EPS15L1: variants seen among roughly 807,000 people sequenced by gnomAD.
EPS15L1 encodes epidermal growth factor receptor pathway substrate 15 like 1.
EPS15L1 carries 43 observed loss-of-function variants against 117.1 expected under a neutral mutation model. The ratio of observed to expected loss-of-function variants is 0.37; its 90% CI spans 0.29 to 0.47. The LOEUF is 0.47. Ranked by LOEUF, EPS15L1 falls within the 20% of genes least tolerant of loss-of-function variation. The pLI is 0.99. For missense variants in EPS15L1, 981 were observed against 1,164.0 expected (o/e 0.84, Z 2.29); for synonymous variants, 459 against 470.5 (o/e 0.98, Z 0.32).
At chr19:16,368,916 G>A (rs146157602) in intron 22 of EPS15L1, among the ~76,000 whole-genome samples, 164 of 152,360 alleles carry the variant, frequency 1.1e-3, no homozygotes, top group South Asian at 3.9e-3. Flanking sequence ...GCAGTGGCCC[G>A]GGCGGGGCAC....
chr19:16,382,026 C>T (rs2092368563), intron 21 of EPS15L1, among the ~76,000 whole-genome samples: 1 of 152,184 alleles, frequency 6.6e-6, no homozygotes, highest in African/African-American at 2.4e-5. Flanking sequence ...GGCAATAAAA[C>T]CACACTCAGC....
At chr19:16,461,912 T>C (rs556494241) in intron 1 of EPS15L1, among the ~76,000 whole-genome samples, 2 of 152,276 alleles carry the variant, frequency 1.3e-5, no homozygotes, top group Non-Finnish European at 2.9e-5. Context: ...CAGACTGCGC[T>C]CCTGGCTGCT....
At chr19:16,407,454 C>T (rs943764006) in intron 13 of EPS15L1, among the ~76,000 whole-genome samples, 9 of 152,100 alleles carry the variant, frequency 5.9e-5, no homozygotes, top group Admixed American at 1.3e-4. Context: ...TACAGGTGCA[C>T]GCCACCACGC....
intron 1 of EPS15L1, among the ~76,000 whole-genome samples, chr19:16,468,070 C>T (rs10412060): frequency 0.12 from 18,852 of 152,126 alleles, 1,207 homozygotes; most frequent in Non-Finnish European, 0.14. Context: ...CCAGTTACCA[C>T]GCGCTTCCTA....
intron 1 of EPS15L1, among the ~76,000 whole-genome samples, chr19:16,455,446 A>G (rs1033603023): frequency 6.6e-6 from 1 of 152,218 alleles, no homozygotes; most frequent in Non-Finnish European, 1.5e-5. Context: ...GAACTGCTGG[A>G]GAAAAAACAT....
chr19:16,391,855 C>T (rs972573055), intron 19 of EPS15L1, among the ~76,000 whole-genome samples: 7 of 152,112 alleles, frequency 4.6e-5, no homozygotes, highest in African/African-American at 9.7e-5. Flanking sequence ...ACCTACCAAA[C>T]GTGACTCTAA....
At chr19:16,459,699 C>T (rs1328084484) in intron 1 of EPS15L1, among the ~76,000 whole-genome samples, 1 of 152,088 alleles carries the variant, frequency 6.6e-6, no homozygotes, top group Non-Finnish European at 1.5e-5. Flanking sequence ...CAATGGGAAG[C>T]CATTATTACA....
intron 19 of EPS15L1, among the ~76,000 whole-genome samples, chr19:16,391,534 G>A (rs772522952): frequency 4.6e-5 from 7 of 152,088 alleles, no homozygotes; most frequent in Admixed American, 3.3e-4. Flanking sequence ...AGCAGGCCCC[G>A]GGCCTGGGTT....
chr19:16,415,463 CCT>C (rs1264683905), intron 12 of EPS15L1, among the ~76,000 whole-genome samples: 2 of 152,122 alleles, frequency 1.3e-5, no homozygotes, highest in Non-Finnish European at 2.9e-5. Flanking sequence ...ACAATAAGGC[CCT>C]CTCAGGGACA....
chr19:16,409,390 T>C lies in EPS15L1; in HGVS notation c.1266+4383A>G, dbSNP rs2092686153. On this transcript the variant is annotated intron_variant, in intron 13 of 23. Coordinates refer to ENST00000455140, the MANE Select transcript of EPS15L1 (RefSeq NM_001258374.3). ...CATGGAAAAGCGAAAACTATAAAAC[T>C]CTTAGAAGAAAACACAGGGATACAT... Among the ~76,000 whole-genome samples, 4 of 152,052 alleles carry C rather than the reference T, an allele frequency of 2.6e-5. No homozygotes were observed. In the South Asian group the frequency reaches 8.3e-4, roughly 32 times the overall value.
At chr19:16,440,109 G>A (rs1282902735) in intron 4 of EPS15L1, among the ~76,000 whole-genome samples, 1 of 147,124 alleles carries the variant, frequency 6.8e-6, no homozygotes, top group East Asian at 2.0e-4. Flanking sequence ...TTTAGTCAAA[G>A]TTACACCAAT....
At position 16,404,794 on chromosome 19, in the gene EPS15L1, A is replaced by T. The variant is rs2144842901; in HGVS notation, c.1267-45T>A. On this transcript the variant is annotated intron_variant, in intron 13 of 23. Coordinates refer to ENST00000455140, the MANE Select transcript of EPS15L1 (RefSeq NM_001258374.3). This position sits in a 1 kb window ranked among gnomAD's most constrained non-coding sequence, Gnocchi z 4.2. ...GTTTACGTGAGGATGGGAAAAATGA[A>T]GCATGTCCAAGATAACGGGGGGCAG... 1 of 1,605,492 alleles carries T rather than the reference A, an allele frequency of 6.2e-7. No individual in the cohort carries two copies. Among genetic ancestry groups the T allele is most frequent in the East Asian group, 2.2e-5 (1 of 44,718 alleles).
chr19:16,393,005 G>A (rs1188938129), intron 18 of EPS15L1, among the ~76,000 whole-genome samples: 1 of 151,648 alleles, frequency 6.6e-6, no homozygotes, highest in African/African-American at 2.4e-5. Flanking sequence ...TTGCGCCACT[G>A]CACTCCAGCC....
intron 16 of EPS15L1, among the ~76,000 whole-genome samples, chr19:16,397,842 AG>A (rs1463586660): frequency 2.6e-5 from 4 of 152,212 alleles, no homozygotes; most frequent in Non-Finnish European, 5.9e-5. Flanking sequence ...GGTTTAAATA[AG>A]GACTCTGTTT....
chr19:16,425,140 G>C lies in EPS15L1; in HGVS notation c.735C>G (p.Val245=), dbSNP rs1291938523. Residue 245 remains valine (V), a synonymous_variant, in exon 9 of 24, where the codon GTC becomes GTG. Coordinates refer to ENST00000455140, the MANE Select transcript of EPS15L1 (RefSeq NM_001258374.3). ...SLRSTPSHGS[V]SSLNSTGSLS... ...GGCTCCCTGTGCTGTTGAGGCTGCT[G>C]ACGCTGCCGTGGGACGGCGTGGAGC... The C allele has an allele frequency of 3.1e-6, 5 of 1,614,036 alleles. No homozygotes were observed. The highest frequency in any genetic ancestry group is 4.2e-6 in the Non-Finnish European group (5 of 1,180,026).
intron 22 of EPS15L1, among the ~76,000 whole-genome samples, chr19:16,368,264 A>G (rs1444155937): frequency 6.6e-6 from 1 of 152,182 alleles, no homozygotes; most frequent in South Asian, 2.1e-4. Context: ...ACACACACAC[A>G]CAAGCATCAC....
At chr19:16,452,789 T>G (rs2145136538) in intron 1 of EPS15L1, among the ~76,000 whole-genome samples, 1 of 151,726 alleles carries the variant, frequency 6.6e-6, no homozygotes, top group Admixed American at 6.6e-5. Flanking sequence ...ACATCTATTT[T>G]ATTTTTTTAT....
At chr19:16,460,401 T>A (rs1452712637) in intron 1 of EPS15L1, among the ~76,000 whole-genome samples, 1 of 152,214 alleles carries the variant, frequency 6.6e-6, no homozygotes, top group African/African-American at 2.4e-5. Context: ...TTAGTGTGAA[T>A]TAAAGGACAT....
At chr19:16,470,178 T>C (rs538521876) in intron 1 of EPS15L1, among the ~76,000 whole-genome samples, 1 of 152,108 alleles carries the variant, frequency 6.6e-6, no homozygotes, top group African/African-American at 2.4e-5. Context: ...GTTCAGGAGT[T>C]TGACACGAGC....
Sources: allele counts gnomAD v4.1 joint callset (sites outside exome capture counted in the v4.1 genomes callset), GRCh38; gene constraint gnomAD v4.1.1; non-coding constraint Gnocchi (gnomAD v3.1); transcripts MANE v1.5; gene names NCBI Gene and HGNC (gene_info 2026-07-23, HGNC 2026-07-21).